Variants in ADAMTS12 observed in about 807,000 individuals in gnomAD.
The protein encoded by ADAMTS12 is A disintegrin and metalloproteinase with thrombospondin motifs 12.
A neutral mutation model predicts 167.8 loss-of-function variants in ADAMTS12; 118 were observed. That is an observed-to-expected ratio of 0.70 (90% CI 0.61 to 0.82). The LOEUF is 0.82. ADAMTS12 is among the 40% of genes least tolerant of loss of function. The pLI, the probability that ADAMTS12 is intolerant of heterozygous loss-of-function variation, is 0.00. For synonymous variants in ADAMTS12, 704 were observed against 716.9 expected (o/e 0.98, Z 0.29); for missense variants, 1,916 against 1,998.8 (o/e 0.96, Z 0.79).
At chr5:33,669,457 A>G (rs957640499) in intron 5 of ADAMTS12, among the ~76,000 whole-genome samples, 12 of 152,204 alleles carry the variant, frequency 7.9e-5, no homozygotes, top group Admixed American at 2.6e-4. Flanking sequence ...AGCATCATGT[A>G]GGATATGTCA....
chr5:33,622,848 A>T (rs1579761399), intron 14 of ADAMTS12, among the ~76,000 whole-genome samples: 1 of 152,210 alleles, frequency 6.6e-6, no homozygotes, highest in African/African-American at 2.4e-5. Flanking sequence ...GTTATCATTC[A>T]CATTCCAAAT....
chr5:33,734,752 T>G (rs543892470), intron 3 of ADAMTS12, among the ~76,000 whole-genome samples: 75 of 151,724 alleles, frequency 4.9e-4, no homozygotes, highest in Admixed American at 2.7e-3. Flanking sequence ...AAACGGTGGG[T>G]GGGGGAGGAG....
intron 3 of ADAMTS12, among the ~76,000 whole-genome samples, chr5:33,714,345 A>G (rs1333823539): frequency 6.6e-6 from 1 of 152,140 alleles, no homozygotes; most frequent in Non-Finnish European, 1.5e-5. Context: ...TCAAAATGTA[A>G]TGCAAATGCA....
At chr5:33,549,649 G>T (rs370479194) in intron 20 of ADAMTS12, among the ~76,000 whole-genome samples, 27 of 152,358 alleles carry the variant, frequency 1.8e-4, no homozygotes, top group African/African-American at 6.3e-4. Context: ...AGCCTCAGGT[G>T]TCCCATCTCT....
At chr5:33,750,906 T>C (rs1027310455) in intron 3 of ADAMTS12, among the ~76,000 whole-genome samples, 1 of 152,220 alleles carries the variant, frequency 6.6e-6, no homozygotes, top group African/African-American at 2.4e-5. Flanking sequence ...GACAATGTGT[T>C]GATAATTTTT....
intron 22 of ADAMTS12, among the ~76,000 whole-genome samples, chr5:33,539,752 A>T (rs926614760): frequency 6.6e-6 from 1 of 152,228 alleles, no homozygotes; most frequent in Non-Finnish European, 1.5e-5. Flanking sequence ...AAGAAAATGC[A>T]TGCTATTTTA....
rs778880687 is a variant in ADAMTS12 at position 33,684,072 on chromosome 5, A to G, written c.635-17T>C. 1.5e-5 allele frequency: 23 copies of G among 1,536,942 alleles called. No individual in the cohort carries two copies. The highest frequency in any genetic ancestry group is 6.5e-5 in the South Asian group (5 of 76,356). On this transcript the variant is annotated splice_polypyrimidine_tract_variant and intron_variant, in intron 3 of 23. Transcript: ENST00000504830. ...TAACACTGTCTAAACAGTAAACAGA[A>G]GACAATGGTCTAACACTGTATATGT...
intron 10 of ADAMTS12, 70 bp from the exon 11 acceptor site, chr5:33,642,025 A>G: frequency 2.0e-6 from 3 of 1,463,912 alleles, no homozygotes; most frequent in Non-Finnish European, 2.7e-6. Context: ...CAAGAGCCCT[A>G]AAAGTCTAAA....
rs578122887 is a variant in ADAMTS12 at position 33,615,007 on chromosome 5, T to A, written c.2389-631A>T. Reference sequence around the variant, plus strand: ...CTGAGCTAACAATGGTCATGGACTTTAACTTAGGTATGCTGCTCTTGGGAT... The same window carrying A: ...CTGAGCTAACAATGGTCATGGACTTAAACTTAGGTATGCTGCTCTTGGGAT... On this transcript the variant is annotated intron_variant, in intron 15 of 23. Coordinates refer to ENST00000504830, the MANE Select transcript of ADAMTS12 (RefSeq NM_030955.4). 3.9e-3 allele frequency among the ~76,000 whole-genome samples: 599 copies of A among 152,338 alleles called. 4 individuals carry two copies. The highest frequency in any genetic ancestry group is 0.014 in the African/African-American group (586 of 41,580).
chr5:33,829,280 G>GAGACGGGGC (rs1172470740), intron 2 of ADAMTS12, among the ~76,000 whole-genome samples: 1 of 152,162 alleles, frequency 6.6e-6, no homozygotes, highest in African/African-American at 2.4e-5. Flanking sequence ...CTTGGCCTTA[G>GAGACGGGGC]AGACGGGGCA....
At position 33,657,552 on chromosome 5, in the gene ADAMTS12, T is replaced by C. The variant is rs528623916; in HGVS notation, c.1190+632A>G. Among the ~76,000 whole-genome samples, 111 of 152,382 alleles carry C rather than the reference T, an allele frequency of 7.3e-4. 2 individuals are homozygous for C. The highest frequency in any genetic ancestry group is 2.5e-3 in the African/African-American group (106 of 41,596). On this transcript the variant is annotated intron_variant, in intron 7 of 23. Transcript: ENST00000504830. The stretch of plus-strand genomic sequence containing the variant: ...TCATTATATCTTCACTCAAGCATTC[T>C]GAAACCTGCCTTCAAGGAATTCACC...
intron 3 of ADAMTS12, among the ~76,000 whole-genome samples, chr5:33,727,830 A>G (rs977106799): frequency 6.6e-6 from 1 of 152,160 alleles, no homozygotes; most frequent in Non-Finnish European, 1.5e-5. Flanking sequence ...CCTGGTATTT[A>G]TCGGTTTGCC....
rs544971928 is a variant in ADAMTS12 at position 33,859,821 on chromosome 5, A to C, written c.489+21298T>G. ...AAGCTTCCAGAGGAAGGAACAGGTAACAATCTTTGCTGTTCTGCAGCCTCT... is the reference window on the plus strand; with the variant it reads ...AAGCTTCCAGAGGAAGGAACAGGTACCAATCTTTGCTGTTCTGCAGCCTCT... On this transcript the variant is annotated intron_variant, in intron 2 of 23. Transcript: ENST00000504830. Among the ~76,000 whole-genome samples the C allele has an allele frequency of 2.6e-5, 4 of 152,258 alleles. No individual in the cohort carries two copies. The South Asian group carries it at 8.3e-4, about 32-fold the overall frequency.
intron 10 of ADAMTS12, among the ~76,000 whole-genome samples, chr5:33,642,470 CA>C (rs1740498934): frequency 6.6e-6 from 1 of 152,044 alleles, no homozygotes; most frequent in African/African-American, 2.4e-5. Flanking sequence ...ATTTCACTGC[CA>C]AAACACACTA....
chr5:33,755,142 C>G (rs939854622), intron 2 of ADAMTS12, among the ~76,000 whole-genome samples: 3 of 152,116 alleles, frequency 2.0e-5, no homozygotes, highest in East Asian at 3.8e-4. Flanking sequence ...AGTTTTGAGC[C>G]TATTTTGAAT....
chr5:33,538,244 G>A (rs1744508507), intron 22 of ADAMTS12, among the ~76,000 whole-genome samples: 2 of 152,178 alleles, frequency 1.3e-5, no homozygotes, highest in Admixed American at 6.5e-5. Context: ...CAGCAGGTGA[G>A]GGAGAGTGGG....
chr5:33,675,759 T>C (rs1741878903), intron 5 of ADAMTS12, among the ~76,000 whole-genome samples: 1 of 152,180 alleles, frequency 6.6e-6, no homozygotes, highest in Admixed American at 6.5e-5. Flanking sequence ...CTTCTTAATC[T>C]CCAAGTCTCA....
At chr5:33,859,320 G>C (rs1389485453) in intron 2 of ADAMTS12, among the ~76,000 whole-genome samples, 1 of 152,188 alleles carries the variant, frequency 6.6e-6, no homozygotes, top group African/African-American at 2.4e-5. Flanking sequence ...TAGCTTGGTG[G>C]GGGGAGGGGC....
intron 19 of ADAMTS12, among the ~76,000 whole-genome samples, chr5:33,569,935 A>G (rs189169198): frequency 2.0e-5 from 3 of 152,394 alleles, no homozygotes; most frequent in Admixed American, 2.0e-4. Flanking sequence ...AGGCTCAAGA[A>G]CTACGTGAAG....
Sources: allele counts gnomAD v4.1 joint callset (sites outside exome capture counted in the v4.1 genomes callset), GRCh38; gene constraint gnomAD v4.1.1; transcripts MANE v1.5; gene names NCBI Gene and HGNC (gene_info 2026-07-23, HGNC 2026-07-21).